DPP8: variants seen among roughly 807,000 people sequenced by gnomAD.
The protein encoded by DPP8 is dipeptidyl peptidase 8, also known as DPP VIII.
Under a neutral mutation model 107.5 loss-of-function variants are expected in DPP8, and 31 were observed. The observed-to-expected ratio is 0.29, with a 90% CI of 0.22 to 0.39. DPP8 has a LOEUF of 0.39. Among genes scored for constraint, DPP8 ranks in the 10% least tolerant of loss-of-function variants. DPP8 has a pLI of 1.00. For synonymous variants in DPP8, 381 were observed against 356.6 expected (o/e 1.07, Z -0.77); for missense variants, 842 against 1,076.1 (o/e 0.78, Z 3.04).
chr15:65,508,375 GC>G (rs1398598450), intron 2 of DPP8, among the ~76,000 whole-genome samples: 1 of 152,164 alleles, frequency 6.6e-6, no homozygotes, highest in African/African-American at 2.4e-5. Flanking sequence ...TTGGGGAAGG[GC>G]AAAGGAAAAA....
intron 11 of DPP8, among the ~76,000 whole-genome samples, chr15:65,477,696 AT>A (rs906496966): frequency 2.6e-4 from 39 of 149,950 alleles, no homozygotes; most frequent in African/African-American, 8.3e-4. Flanking sequence ...CGCCCGGCTA[AT>A]TTTTTTTTGT....
intron 11 of DPP8, among the ~76,000 whole-genome samples, chr15:65,476,315 T>C (rs1163342759): frequency 2.6e-5 from 4 of 151,994 alleles, no homozygotes; most frequent in African/African-American, 4.8e-5. Flanking sequence ...AGACAGAAAT[T>C]AAAATAAAAT....
In DPP8 at chr15:65,446,696, G is replaced by T; in HGVS notation, c.*188C>A. ...ATATGTATCATTTGATTTTGAGCAT[G>T]TGGGGTTAAGGTATTAGATTACTAC... is the stretch of plus-strand genomic sequence containing the variant. On this transcript the variant is annotated 3_prime_UTR_variant, in exon 20 of 20. Coordinates refer to ENST00000300141, the MANE Select transcript of DPP8 (RefSeq NM_130434.5). 2 of 252,340 alleles carry T rather than the reference G, an allele frequency of 7.9e-6. No homozygotes were observed. Among genetic ancestry groups the T allele is most frequent in the Non-Finnish European group, 1.4e-5 (2 of 138,042 alleles). 15.6% of individuals were successfully genotyped at this position (252,340 alleles called of 1,614,324 possible).
At chr15:65,464,054 A>C in intron 14 of DPP8, 148 bp from the exon 15 acceptor site, 1 of 619,342 alleles carries the variant, frequency 1.6e-6, no homozygotes, top group South Asian at 2.4e-5. Flanking sequence ...TTTAAGCAAG[A>C]GTATATTCAT....
At chr15:65,453,257 C>A (rs1408832021) in intron 17 of DPP8, among the ~76,000 whole-genome samples, 1 of 152,154 alleles carries the variant, frequency 6.6e-6, no homozygotes, top group Admixed American at 6.5e-5. Context: ...CAAACAGGTC[C>A]CTGCCCTCAT....
intron 3 of DPP8, among the ~76,000 whole-genome samples, chr15:65,505,869 G>C (rs2069901495): frequency 6.7e-6 from 1 of 148,958 alleles, no homozygotes; most frequent in Non-Finnish European, 1.5e-5. Flanking sequence ...AGAATCGCTT[G>C]AATCTGGGAG....
intron 15 of DPP8, among the ~76,000 whole-genome samples, chr15:65,457,979 G>A (rs999548075): frequency 1.3e-5 from 2 of 152,148 alleles, no homozygotes; most frequent in East Asian, 3.8e-4. Flanking sequence ...TCTTTAAAGG[G>A]AGAGTGCTGA....
At chr15:65,449,072 T>C (rs548332213) in intron 19 of DPP8, among the ~76,000 whole-genome samples, 1 of 144,400 alleles carries the variant, frequency 6.9e-6, no homozygotes, top group East Asian at 2.0e-4. Flanking sequence ...TAGCTGGGCA[T>C]AGTGGTATGA....
At chr15:65,494,898 G>A (rs966884782) in intron 5 of DPP8, among the ~76,000 whole-genome samples, 2 of 152,018 alleles carry the variant, frequency 1.3e-5, no homozygotes, top group African/African-American at 4.8e-5. Flanking sequence ...TCAAGCTTTG[G>A]TGTTCCTGTC....
At chr15:65,448,471 G>A (rs1182251802) in intron 19 of DPP8, among the ~76,000 whole-genome samples, 1 of 151,110 alleles carries the variant, frequency 6.6e-6, no homozygotes, top group African/African-American at 2.4e-5. Flanking sequence ...AGAAGATCGA[G>A]ACCATCCTGG....
At chr15:65,447,033 C>CA (rs71817756) in intron 19 of DPP8, 27 bp from the exon 20 acceptor site, 122,073 of 1,118,806 alleles carry the variant, frequency 0.11, 1,167 homozygotes, top group African/African-American at 0.22. Context: ...AATAAAGATA[C>CA]AAAAAAAAAA....
At chr15:65,448,444 G>A (rs1012410289) in intron 19 of DPP8, among the ~76,000 whole-genome samples, 8 of 151,484 alleles carry the variant, frequency 5.3e-5, no homozygotes, top group African/African-American at 1.7e-4. Context: ...AGGCTGACAC[G>A]TACAGATAAC....
chr15:65,512,263 T>C, intron 2 of DPP8, 32 bp downstream of exon 2: 1 of 1,572,848 alleles, frequency 6.4e-7, no homozygotes, highest in South Asian at 1.2e-5. Context: ...TAAGAGATCA[T>C]TTTCTCTCAG....
intron 1 of DPP8, chr15:65,516,992 G>C (rs934259161): frequency 2.0e-5 from 3 of 152,694 alleles, no homozygotes; most frequent in African/African-American, 7.2e-5. Flanking sequence ...CAGAATGGGA[G>C]AGGGCAGTGA....
At chr15:65,512,788 G>A (rs1254045481) in intron 1 of DPP8, 2 of 553,608 alleles carry the variant, frequency 3.6e-6, no homozygotes, top group Admixed American at 6.7e-5. Flanking sequence ...CTACTTCACA[G>A]TGCCTATAAA....
At chr15:65,511,639 C>CAA (rs373452327) in intron 2 of DPP8, among the ~76,000 whole-genome samples, 2,188 of 109,828 alleles carry the variant, frequency 0.02, 62 homozygotes, top group African/African-American at 0.037. Context: ...GACCCTGTCT[C>CAA]AAAAAAAAAA....
At chr15:65,481,751 T>C (rs2066946178) in intron 8 of DPP8, 136 bp from the exon 9 acceptor site, 1 of 518,914 alleles carries the variant, frequency 1.9e-6, no homozygotes, top group Non-Finnish European at 3.3e-6. Context: ...ACAAAGGATA[T>C]AGCAAATCTA....
intron 3 of DPP8, among the ~76,000 whole-genome samples, chr15:65,506,976 T>C (rs1023405096): frequency 1.3e-5 from 2 of 151,988 alleles, no homozygotes; most frequent in Non-Finnish European, 2.9e-5. Flanking sequence ...ACAACTCCTT[T>C]AAAAAATGTG....
At chr15:65,516,785 G>C (rs1343401099) in intron 1 of DPP8, 1 of 152,198 alleles carries the variant, frequency 6.6e-6, no homozygotes, top group Non-Finnish European at 1.5e-5. Flanking sequence ...TCATTCTTTA[G>C]GGTCCACACC....
Sources: allele counts gnomAD v4.1 joint callset (sites outside exome capture counted in the v4.1 genomes callset), GRCh38; gene constraint gnomAD v4.1.1; transcripts MANE v1.5; gene names NCBI Gene and HGNC (gene_info 2026-07-23, HGNC 2026-07-21).